VGLL4: variants seen among roughly 807,000 people sequenced by gnomAD.
The protein encoded by VGLL4 is transcription cofactor vestigial-like protein 4.
In VGLL4, 7 loss-of-function variants were observed where a neutral mutation model predicts 21.0. The observed-to-expected ratio is 0.33, with a 90% confidence interval of 0.19 to 0.63. VGLL4 has a LOEUF of 0.63. VGLL4 is among the 20% of genes least tolerant of loss of function. VGLL4 has a pLI of 0.78. For missense variants in VGLL4, 394 were observed against 425.7 expected, an observed-to-expected ratio of 0.93 and a Z score of 0.66; for synonymous variants, 222 against 173.2, an observed-to-expected ratio of 1.28 and a Z score of -2.21.
intron 1 of VGLL4, chr3:11,703,191 A>G: frequency 1.4e-6 from 1 of 710,260 alleles, no homozygotes; most frequent in Non-Finnish European, 2.1e-6. Context: ...GAGGAAACAG[A>G]ATGGGCTTGG....
At chr3:11,685,790 G>C (rs114459932) in intron 2 of VGLL4, among the ~76,000 whole-genome samples, 11 of 152,150 alleles carry the variant, frequency 7.2e-5, no homozygotes, top group African/African-American at 2.7e-4. Flanking sequence ...AGGTCAAGGC[G>C]GTGGTGAGCT....
chr3:11,571,369 C>T (rs564301296), intron 2 of VGLL4, among the ~76,000 whole-genome samples: 7 of 152,312 alleles, frequency 4.6e-5, no homozygotes, highest in African/African-American at 1.4e-4. Context: ...CATCCACCCA[C>T]GTAATGTTTC....
intron 2 of VGLL4, among the ~76,000 whole-genome samples, chr3:11,685,230 G>T (rs1251809409): frequency 7.0e-6 from 1 of 142,500 alleles, no homozygotes; most frequent in South Asian, 2.3e-4. Flanking sequence ...ATGGAGTCTC[G>T]CTCTATTGCC....
chr3:11,594,635 CCACT>C (rs1408342896), intron 2 of VGLL4, among the ~76,000 whole-genome samples: 1 of 152,192 alleles, frequency 6.6e-6, no homozygotes, highest in Admixed American at 6.5e-5. Context: ...TACACTGCAC[CCACT>C]GTTTGCCTTC....
chr3:11,559,267 T>C (rs987287437), intron 4 of VGLL4, 65 bp downstream of exon 4: 3 of 1,467,424 alleles, frequency 2.0e-6, no homozygotes, highest in African/African-American at 1.4e-5. Context: ...GCCAACAGCA[T>C]GACAGAGAAG....
At chr3:11,579,129 A>C (rs1440075248) in intron 2 of VGLL4, among the ~76,000 whole-genome samples, 1 of 151,882 alleles carries the variant, frequency 6.6e-6, no homozygotes. Context: ...TTAATTCTCA[A>C]CATGAACTGC....
chr3:11,602,928 C>T (rs576853819), intron 1 of VGLL4, among the ~76,000 whole-genome samples: 1 of 152,274 alleles, frequency 6.6e-6, no homozygotes, highest in South Asian at 2.1e-4. Flanking sequence ...GGGGGGAGCA[C>T]CTAAATTTTT....
intron 2 of VGLL4, among the ~76,000 whole-genome samples, chr3:11,668,802 AC>A (rs146218471): frequency 6.6e-6 from 1 of 152,318 alleles, no homozygotes; most frequent in African/African-American, 2.4e-5. Context: ...CATGGAACTT[AC>A]CTTCTCAGAG....
intron 1 of VGLL4, among the ~76,000 whole-genome samples, chr3:11,713,601 A>G (rs916539926): frequency 3.0e-5 from 4 of 134,804 alleles, no homozygotes; most frequent in South Asian, 2.2e-4. Flanking sequence ...TCTGCATAAA[A>G]TCCCTAATTA....
At chr3:11,669,437 T>C (rs553451876) in intron 2 of VGLL4, among the ~76,000 whole-genome samples, 1 of 152,284 alleles carries the variant, frequency 6.6e-6, no homozygotes, top group South Asian at 2.1e-4. Context: ...TTAATGATAT[T>C]CATTTAAATA....
intron 2 of VGLL4, among the ~76,000 whole-genome samples, chr3:11,655,377 G>A (rs894996976): frequency 3.9e-5 from 6 of 152,116 alleles, no homozygotes; most frequent in Non-Finnish European, 5.9e-5. Context: ...TTAGTTGCTC[G>A]TGGGCAGGAC....
chr3:11,575,644 G>A lies in VGLL4; in HGVS notation c.273-10625C>T, dbSNP rs184053738. On this transcript the variant is annotated intron_variant, in intron 2 of 4. Transcript: ENST00000430365. ...AGAAAGATCCCAGACACCAGCCTTA[G>A]GAGAGAAACTCTAAGTGATTTTAGT... Among the ~76,000 whole-genome samples the A allele has an allele frequency of 3.3e-5, 5 of 152,340 alleles. No individual in the cohort carries two copies. The East Asian group carries it at 9.6e-4, about 29-fold the overall frequency.
chr3:11,705,405 G>C (rs2076746268), intron 1 of VGLL4, among the ~76,000 whole-genome samples: 1 of 152,238 alleles, frequency 6.6e-6, no homozygotes, highest in Non-Finnish European at 1.5e-5. Context: ...GGAAGACTAA[G>C]AGTGGCAGGG....
At chr3:11,593,197 A>G (rs2074542853) in intron 2 of VGLL4, among the ~76,000 whole-genome samples, 1 of 152,214 alleles carries the variant, frequency 6.6e-6, no homozygotes, top group South Asian at 2.1e-4. Context: ...TCTCTTGGTA[A>G]CTGGTCCATA....
chr3:11,588,968 T>G (rs945183070), intron 2 of VGLL4, among the ~76,000 whole-genome samples: 2 of 152,158 alleles, frequency 1.3e-5, no homozygotes, highest in Non-Finnish European at 2.9e-5. Flanking sequence ...TAAGGGTCTG[T>G]GCAGGCAGAA....
chr3:11,679,927 C>T (rs549016331), intron 2 of VGLL4, among the ~76,000 whole-genome samples: 6 of 152,168 alleles, frequency 3.9e-5, no homozygotes, highest in African/African-American at 9.7e-5. Context: ...GTAGGACACA[C>T]GACTGTCCTT....
intron 2 of VGLL4, among the ~76,000 whole-genome samples, chr3:11,582,845 T>C (rs1038246531): frequency 2.0e-5 from 3 of 152,112 alleles, no homozygotes; most frequent in African/African-American, 7.2e-5. Flanking sequence ...TCCTGCACTG[T>C]AGGAAGCAAC....
intron 1 of VGLL4, among the ~76,000 whole-genome samples, chr3:11,715,318 C>T (rs1365745913): frequency 6.6e-6 from 1 of 152,042 alleles, no homozygotes; most frequent in African/African-American, 2.4e-5. Flanking sequence ...TTATTACCAT[C>T]AGTAAATATT....
chr3:11,611,357 A>G (rs1228753879), intron 1 of VGLL4, among the ~76,000 whole-genome samples: 1 of 152,210 alleles, frequency 6.6e-6, no homozygotes, highest in Non-Finnish European at 1.5e-5. Flanking sequence ...AAAGGCCACC[A>G]TGCGAGGATA....
Sources: gnomAD v4.1 joint callset for allele counts (sites outside exome capture counted in the v4.1 genomes callset) on GRCh38, gnomAD v4.1.1 for gene constraint, MANE v1.5 for transcripts, NCBI Gene and HGNC (gene_info 2026-07-23, HGNC 2026-07-21) for gene names.